CNTNAP2: variants seen among roughly 807,000 people sequenced by gnomAD.
The protein encoded by CNTNAP2 is contactin associated protein 2.
Under a neutral mutation model 155.2 loss-of-function variants are expected in CNTNAP2, and 98 were observed. That is an observed-to-expected ratio of 0.63 (90% confidence interval 0.54 to 0.75). The LOEUF (loss-of-function observed/expected upper bound fraction) is 0.75, where lower values mean the gene tolerates loss of function less well. CNTNAP2 is among the 30% of genes least tolerant of loss of function. The pLI is 0.00. For missense variants in CNTNAP2, 1,727 were observed against 1,688.1 expected, an observed-to-expected ratio of 1.02 and a Z score of -0.40; for synonymous variants, 651 against 631.2, an observed-to-expected ratio of 1.03 and a Z score of -0.47.
intron 1 of CNTNAP2, among the ~76,000 whole-genome samples, chr7:146,721,112 T>G (rs1254790404): frequency 7.6e-6 from 1 of 131,198 alleles, no homozygotes; most frequent in African/African-American, 3.0e-5. Context: ...TCTATATATA[T>G]TCTCTCTATA....
intron 15 of CNTNAP2, among the ~76,000 whole-genome samples, chr7:147,994,847 T>C (rs1354825975): frequency 6.6e-6 from 1 of 152,134 alleles, no homozygotes; most frequent in Non-Finnish European, 1.5e-5. Flanking sequence ...AGTTGGAAGA[T>C]ATAGAGAGGA....
chr7:147,663,098 A>T (rs1428532308), intron 13 of CNTNAP2, among the ~76,000 whole-genome samples: 2 of 152,152 alleles, frequency 1.3e-5, no homozygotes, highest in Non-Finnish European at 2.9e-5. Flanking sequence ...TCCCGGGTTC[A>T]AGTGATTCTC....
At chr7:146,579,767 G>T (rs1798582522) in intron 1 of CNTNAP2, among the ~76,000 whole-genome samples, 1 of 152,066 alleles carries the variant, frequency 6.6e-6, no homozygotes, top group African/African-American at 2.4e-5. Context: ...ACATTGAGTA[G>T]AAAATAAGAT....
intron 13 of CNTNAP2, among the ~76,000 whole-genome samples, chr7:147,733,151 C>T (rs989564732): frequency 6.6e-6 from 1 of 152,072 alleles, no homozygotes; most frequent in East Asian, 1.9e-4. Flanking sequence ...TCTTCTAAGG[C>T]TTTTATGGTT....
At chr7:146,508,910 T>C (rs1797425495) in intron 1 of CNTNAP2, among the ~76,000 whole-genome samples, 1 of 152,148 alleles carries the variant, frequency 6.6e-6, no homozygotes, top group Admixed American at 6.5e-5. Flanking sequence ...TTTTGTCCCA[T>C]GAGATGGCCC....
intron 1 of CNTNAP2, among the ~76,000 whole-genome samples, chr7:146,538,681 A>G (rs182389179): frequency 9.2e-5 from 14 of 152,094 alleles, no homozygotes; most frequent in Non-Finnish European, 1.6e-4. Flanking sequence ...AATCTTCAAC[A>G]TTGCAGACAA....
intron 20 of CNTNAP2, among the ~76,000 whole-genome samples, chr7:148,256,541 A>C (rs1017429475): frequency 2.0e-5 from 3 of 152,118 alleles, no homozygotes; most frequent in African/African-American, 7.2e-5. Flanking sequence ...CTGGTTTGCA[A>C]GGGGTCCCTG....
At chr7:147,221,977 T>C (rs1381097848) in intron 8 of CNTNAP2, among the ~76,000 whole-genome samples, 1 of 152,180 alleles carries the variant, frequency 6.6e-6, no homozygotes, top group Non-Finnish European at 1.5e-5. Context: ...TGTTCCTCTG[T>C]AGGTAAGGTG....
chr7:147,944,492 G>T (rs1800783386), intron 14 of CNTNAP2, among the ~76,000 whole-genome samples: 1 of 152,170 alleles, frequency 6.6e-6, no homozygotes, highest in African/African-American at 2.4e-5. Flanking sequence ...TTGTGGGCAA[G>T]ATTTTTTAAA....
intron 10 of CNTNAP2, among the ~76,000 whole-genome samples, chr7:147,439,266 A>G (rs562327344): frequency 2.0e-5 from 3 of 152,078 alleles, no homozygotes; most frequent in African/African-American, 7.2e-5. Flanking sequence ...GTCATATACC[A>G]TAGGTTTTGG....
At chr7:146,247,220 T>C (rs1475243964) in intron 1 of CNTNAP2, among the ~76,000 whole-genome samples, 1 of 152,070 alleles carries the variant, frequency 6.6e-6, no homozygotes, top group Non-Finnish European at 1.5e-5. Flanking sequence ...CGCACACTGA[T>C]TTGGGAGAGG....
At chr7:146,330,168 A>C (rs1801161057) in intron 1 of CNTNAP2, among the ~76,000 whole-genome samples, 1 of 151,690 alleles carries the variant, frequency 6.6e-6, no homozygotes, top group Admixed American at 6.6e-5. Flanking sequence ...GACTACAGGC[A>C]TGCACCACCA....
chr7:148,310,246 T>G (rs1008808966), intron 21 of CNTNAP2, among the ~76,000 whole-genome samples: 2 of 152,128 alleles, frequency 1.3e-5, no homozygotes, highest in African/African-American at 4.8e-5. Context: ...TATCCTTGAG[T>G]TTTTTATGTT....
intron 13 of CNTNAP2, among the ~76,000 whole-genome samples, chr7:147,712,671 A>G (rs1196271670): frequency 1.3e-5 from 2 of 152,110 alleles, no homozygotes; most frequent in South Asian, 4.1e-4. Flanking sequence ...GCATGTTCTC[A>G]CTCATAGGTG....
intron 16 of CNTNAP2, among the ~76,000 whole-genome samples, chr7:148,136,017 A>AAGGAAGGGAGGAAGGAAGGG (rs1463040406): frequency 3.9e-5 from 1 of 25,798 alleles, no homozygotes; most frequent in Non-Finnish European, 7.2e-5. Context: ...GGAAGGAAGG[A>AAGGAAGGGAGGAAGGAAGGG]AGGGAGGGAG....
At chr7:147,331,025 G>C (rs568673625) in intron 9 of CNTNAP2, among the ~76,000 whole-genome samples, 1 of 152,282 alleles carries the variant, frequency 6.6e-6, no homozygotes, top group Non-Finnish European at 1.5e-5. Context: ...TGGGAGTTGA[G>C]TAAACTGCTC....
intron 3 of CNTNAP2, among the ~76,000 whole-genome samples, chr7:146,924,051 C>T (rs893715219): frequency 2.6e-5 from 4 of 151,870 alleles, no homozygotes; most frequent in Admixed American, 6.6e-5. Flanking sequence ...TTTCTTCTGC[C>T]GCGGTTCTTG....
At chr7:146,970,655 AT>A in intron 3 of CNTNAP2, among the ~76,000 whole-genome samples, 1 of 152,288 alleles carries the variant, frequency 6.6e-6, no homozygotes, top group East Asian at 1.9e-4. Context: ...CAGTGTGGCG[AT>A]TCCTCAGGGA....
At chr7:148,057,222 T>C (rs1803033725) in intron 15 of CNTNAP2, among the ~76,000 whole-genome samples, 1 of 152,104 alleles carries the variant, frequency 6.6e-6, no homozygotes, top group Non-Finnish European at 1.5e-5. Flanking sequence ...GGAAGCAGAA[T>C]TCACTAAGCG....
Sources: allele counts gnomAD v4.1 joint callset (sites outside exome capture counted in the v4.1 genomes callset), GRCh38; gene constraint gnomAD v4.1.1; transcripts MANE v1.5; gene names NCBI Gene and HGNC (gene_info 2026-07-23, HGNC 2026-07-21).